The following GLIPR1 variants were observed in gnomAD, a reference collection of about 807,000 sequenced individuals.
The protein encoded by GLIPR1 is GLI pathogenesis related 1.
GLIPR1 carries 38 observed loss-of-function variants against 30.3 expected under a neutral mutation model. The observed-to-expected ratio is 1.26, with a 90% CI of 0.97 to 1.65. The LOEUF (loss-of-function observed/expected upper bound fraction) is 1.65. Ranked by LOEUF, GLIPR1 falls within the 40% of genes most tolerant of loss-of-function variation. The pLI, the probability that GLIPR1 is intolerant of heterozygous loss-of-function variation, is 0.00. For synonymous variants in GLIPR1, 122 were observed against 110.6 expected, an observed-to-expected ratio of 1.10 and a Z score of -0.65; for missense variants, 285 against 326.5, an observed-to-expected ratio of 0.87 and a Z score of 0.98.
intron 2 of GLIPR1, among the ~76,000 whole-genome samples, chr12:75,488,556 AAAC>A (rs1386859670): frequency 1.3e-5 from 2 of 152,182 alleles, no homozygotes; most frequent in African/African-American, 2.4e-5. Flanking sequence ...ACAAACAAAA[AAAC>A]AAAACCACAA....
At chr12:75,493,600 C>T (rs1404895537) in intron 3 of GLIPR1, 3 of 152,144 alleles carry the variant, frequency 2.0e-5, no homozygotes, top group African/African-American at 4.8e-5. Context: ...GTGCTTAGGC[C>T]GTCACTGCCT....
At chr12:75,498,499 T>C (rs1375251115) in intron 4 of GLIPR1, 195 bp from the exon 5 acceptor site, 1 of 527,858 alleles carries the variant, frequency 1.9e-6, no homozygotes, top group Non-Finnish European at 3.3e-6. Context: ...ATAAAGTTTA[T>C]GTAAAAAGTC....
chr12:75,501,638 C>T lies in GLIPR1; in HGVS notation c.*2660C>T. The stretch of plus-strand genomic sequence containing the variant: ...TAAGAGAACTGATGAAAAGATACAA[C>T]TGTTTCTTAAAAAGATTCAGACAAA... On this transcript the variant is annotated 3_prime_UTR_variant, in exon 6 of 6. Coordinates refer to ENST00000266659, the MANE Select transcript of GLIPR1 (RefSeq NM_006851.3). The T allele has an allele frequency of 2.4e-6, 2 of 846,336 alleles. No individual in the cohort carries two copies. The highest frequency in any genetic ancestry group is 3.8e-6 in the Non-Finnish European group (2 of 524,990). The allele number at this position is 846,336 out of a possible 1,614,324, so 52.4% of individuals were successfully genotyped here.
chr12:75,490,656 T>C (rs2046318552), intron 3 of GLIPR1, 138 bp downstream of exon 3: 2 of 551,642 alleles, frequency 3.6e-6, no homozygotes, highest in Non-Finnish European at 6.4e-6. Flanking sequence ...AAAATTAACA[T>C]AACCTTTAAT....
In GLIPR1 at chr12:75,495,681, A is replaced by G. The variant is rs746037511; in HGVS notation, c.619+19A>G. 2 of 1,335,816 alleles carry G rather than the reference A, an allele frequency of 1.5e-6. No homozygotes were observed. The highest frequency in any genetic ancestry group is 2.2e-6 in the Non-Finnish European group (2 of 928,370). 82.7% of individuals were successfully genotyped at this position (1,335,816 alleles called of 1,614,324 possible). On this transcript the variant is annotated intron_variant, in intron 4 of 5. Transcript: ENST00000266659. Reference sequence around the variant, plus strand: ...CTCTGTGGTGAGTAAAAGGAACAATACACCAATAGAATAACATAATAGTAA... The same window carrying G: ...CTCTGTGGTGAGTAAAAGGAACAATGCACCAATAGAATAACATAATAGTAA...
Position 75,499,818 on chromosome 12 carries a change from T to TTTC in GLIPR1, c.*846_*848dup. On this transcript the variant is annotated 3_prime_UTR_variant, in exon 6 of 6. Coordinates refer to ENST00000266659, the MANE Select transcript of GLIPR1 (RefSeq NM_006851.3). Reference sequence around the variant, plus strand: ...AGGAGTTTTGGGTATGTTACTTTTTTTTCTTCTTTTTCTTTTCATCTGCCT... The same window carrying TTTC: ...AGGAGTTTTGGGTATGTTACTTTTTTTTCTTCTTCTTTTTCTTTTCATCTGCCT... The TTTC allele has an allele frequency of 6.3e-7, 1 of 1,599,182 alleles. No individual in the cohort carries two copies. The highest frequency in any genetic ancestry group is 1.4e-5 in the African/African-American group (1 of 73,840).
Position 75,501,971 on chromosome 12 carries a change from G to A in GLIPR1, c.*2993G>A. On this transcript the variant is annotated 3_prime_UTR_variant, in exon 6 of 6. Transcript: ENST00000266659. The stretch of plus-strand genomic sequence containing the variant: ...GCTTCTTCTGATTTGCCTTCAAAAA[G>A]TATTCACCACTAGCCAATTCTTTAT... 1.9e-6 allele frequency: 3 copies of A among 1,612,100 alleles called. No homozygotes were observed. The highest frequency in any genetic ancestry group is 2.5e-6 in the Non-Finnish European group (3 of 1,179,022).
Position 75,501,454 on chromosome 12 carries a change from G to C in GLIPR1, c.*2476G>C, listed in dbSNP as rs1438467689. ...TACAGAAGATGCACTGGCTGCCCTG[G>C]GTTTGTATCTTTCACAACAAAGAGT... On this transcript the variant is annotated 3_prime_UTR_variant, in exon 6 of 6. Coordinates refer to ENST00000266659, the MANE Select transcript of GLIPR1 (RefSeq NM_006851.3). The C allele has an allele frequency of 2.1e-5, 7 of 335,068 alleles. No homozygotes were observed. Among genetic ancestry groups the C allele is most frequent in the Non-Finnish European group, 3.8e-5 (7 of 183,802 alleles). 20.8% of individuals were successfully genotyped at this position (335,068 alleles called of 1,614,324 possible).
intron 1 of GLIPR1, chr12:75,481,527 A>T (rs770645068): frequency 6.2e-6 from 2 of 324,272 alleles, no homozygotes; most frequent in Non-Finnish European, 1.2e-5. Context: ...AACCTTTCTG[A>T]ACTTCTTAGG....
At chr12:75,485,688 C>T (rs2046290902) in intron 2 of GLIPR1, among the ~76,000 whole-genome samples, 1 of 150,532 alleles carries the variant, frequency 6.6e-6, no homozygotes, top group Non-Finnish European at 1.5e-5. Flanking sequence ...GTAGCTGGGA[C>T]TACAGGCGCC....
rs530409265 is a variant in GLIPR1, at chr12:75,499,500, T to TGTTATCATTAGAGA, written c.*524_*537dup. The TGTTATCATTAGAGA allele has an allele frequency of 1.2e-3, 213 of 176,230 alleles. No individual in the cohort carries two copies. The highest frequency in any genetic ancestry group is 9.9e-3 in the Middle Eastern group (4 of 404). 10.9% of individuals were successfully genotyped at this position (176,230 alleles called of 1,614,324 possible). ...AAAGGGATAAACCTAAATATTTACT[T>TGTTATCATTAGAGA]GTTATCATTAGAGAGGGAACATCAA... is the stretch of plus-strand genomic sequence containing the variant. On this transcript the variant is annotated 3_prime_UTR_variant, in exon 6 of 6. Coordinates refer to ENST00000266659, the MANE Select transcript of GLIPR1 (RefSeq NM_006851.3).
Position 75,498,918 on chromosome 12 carries a change from GTC to G in GLIPR1, c.743_744del (p.Ser248CysfsTer13). 1 of 1,602,658 alleles carries G rather than the reference GTC, an allele frequency of 6.2e-7. No homozygotes were observed. The highest frequency in any genetic ancestry group is 8.5e-7 in the Non-Finnish European group (1 of 1,170,450). Reference protein sequence around the residue: ...LIVNSVILILSVIITILVQHK... With the variant: ...LIVNSVILILXVIITILVQHK... Reference sequence around the variant, plus strand: ...TTGTTAATTCAGTAATTCTAATACTGTCTGTTATAATTACCATTTTGGTACAG... The same window carrying G: ...TTGTTAATTCAGTAATTCTAATACTGTGTTATAATTACCATTTTGGTACAG... On this transcript the variant is annotated frameshift_variant, in exon 6 of 6. Transcript: ENST00000266659. LOFTEE classifies it high-confidence loss of function.
chr12:75,482,160 T>C, intron 2 of GLIPR1, 81 bp downstream of exon 2: 1 of 1,176,476 alleles, frequency 8.5e-7, no homozygotes, highest in Non-Finnish European at 1.2e-6. Flanking sequence ...TAAGAAAATG[T>C]ATAGTATGCT....
chr12:75,486,985 T>TA (rs965966750), intron 2 of GLIPR1, among the ~76,000 whole-genome samples: 17 of 152,092 alleles, frequency 1.1e-4, no homozygotes, highest in Non-Finnish European at 1.8e-4. Flanking sequence ...ACCTGACTTT[T>TA]AAAAAAAGAG....
intron 4 of GLIPR1, chr12:75,498,384 T>TAATA (rs3830414): frequency 0.31 from 62,909 of 200,836 alleles, 10,764 homozygotes; most frequent in East Asian, 0.43. Flanking sequence ...TCTCACATTC[T>TAATA]AATATTTAAT....
chr12:75,498,775 G>A, intron 5 of GLIPR1, 49 bp from the exon 6 acceptor site: 7 of 1,605,526 alleles, frequency 4.4e-6, no homozygotes, highest in Non-Finnish European at 5.1e-6. Context: ...TTCTGTCAGT[G>A]CATTATGAGG....
At position 75,501,778 on chromosome 12, in the gene GLIPR1, T is replaced by C; in HGVS notation, c.*2800T>C. On this transcript the variant is annotated 3_prime_UTR_variant, in exon 6 of 6. Coordinates refer to ENST00000266659, the MANE Select transcript of GLIPR1 (RefSeq NM_006851.3). Reference sequence around the variant, plus strand: ...TAGGTGGAATAAATGCTTTGTTTCTTTCCTCTTGTCTCTTACTGATGGCTT... The same window carrying C: ...TAGGTGGAATAAATGCTTTGTTTCTCTCCTCTTGTCTCTTACTGATGGCTT... 6.2e-7 allele frequency: 1 copy of C among 1,611,122 alleles called. No individual in the cohort carries two copies. The highest frequency in any genetic ancestry group is 1.1e-5 in the South Asian group (1 of 90,782).
At chr12:75,487,735 C>G in intron 2 of GLIPR1, 1 of 456,330 alleles carries the variant, frequency 2.2e-6, no homozygotes, top group Non-Finnish European at 4.4e-6. Context: ...TACTCTCCCT[C>G]CAGGTGTCAC....
chr12:75,500,032 A>T lies in GLIPR1; in HGVS notation c.*1054A>T. ...AAAGAATATATGTTTAACAAAGAAT[A>T]TATGTTTAAGGCAGTTAACTTCAGA... On this transcript the variant is annotated 3_prime_UTR_variant, in exon 6 of 6. Coordinates refer to ENST00000266659, the MANE Select transcript of GLIPR1 (RefSeq NM_006851.3). 8.7e-7 allele frequency: 1 copy of T among 1,143,640 alleles called. No individual in the cohort carries two copies. Among genetic ancestry groups the T allele is most frequent in the Non-Finnish European group, 1.2e-6 (1 of 811,182 alleles). 70.8% of individuals were successfully genotyped at this position (1,143,640 alleles called of 1,614,324 possible). A position where few individuals can be genotyped will look rare whatever the true frequency, so the allele number is the denominator to read the frequency against.
Sources: gnomAD v4.1 joint callset for allele counts (sites outside exome capture counted in the v4.1 genomes callset) on GRCh38, gnomAD v4.1.1 for gene constraint, MANE v1.5 for transcripts, NCBI Gene and HGNC (gene_info 2026-07-23, HGNC 2026-07-21) for gene names.